Variants in MTCL1 observed in about 807,000 individuals in gnomAD.
The protein encoded by MTCL1 is microtubule cross-linking factor 1.
Under a neutral mutation model 141.4 loss-of-function variants are expected in MTCL1, and 79 were observed. That is an observed-to-expected ratio of 0.56 (90% CI 0.47 to 0.67). The LOEUF (loss-of-function observed/expected upper bound fraction) is 0.67. MTCL1 is among the 30% of genes least tolerant of loss of function. The pLI is 0.00. For synonymous variants in MTCL1, 914 were observed against 875.8 expected, an observed-to-expected ratio of 1.04 and a Z score of -0.77; for missense variants, 2,177 against 2,113.9, an observed-to-expected ratio of 1.03 and a Z score of -0.59.
At chr18:8,793,652 A>G (rs1344419739) in intron 8 of MTCL1, among the ~76,000 whole-genome samples, 5 of 152,128 alleles carry the variant, frequency 3.3e-5, no homozygotes, top group Admixed American at 1.3e-4. Flanking sequence ...AGATGTGGGC[A>G]CTCGTCGCCC....
chr18:8,738,142 G>A (rs2096283294), intron 4 of MTCL1, among the ~76,000 whole-genome samples: 1 of 152,140 alleles, frequency 6.6e-6, no homozygotes, highest in African/African-American at 2.4e-5. Context: ...ACGCAGTGGG[G>A]TGGGCTTCCT....
intron 4 of MTCL1, among the ~76,000 whole-genome samples, chr18:8,762,894 G>A (rs1351181867): frequency 1.3e-5 from 2 of 152,192 alleles, no homozygotes; most frequent in Admixed American, 1.3e-4. Context: ...GGCTTGGGAA[G>A]CAGCGTCTGC....
chr18:8,831,709 C>T (rs1338775876), exon 17 of MTCL1: 45 of 1,550,674 alleles, frequency 2.9e-5, no homozygotes, highest in Non-Finnish European at 3.9e-5. Context: ...CCCACATTCC[C>T]CCACTGCCTC....
At chr18:8,721,093 T>G (rs1309249099) in intron 4 of MTCL1, among the ~76,000 whole-genome samples, 2 of 152,262 alleles carry the variant, frequency 1.3e-5, no homozygotes, top group African/African-American at 4.8e-5. Context: ...ATATATATTT[T>G]TTTCATTTGC....
chr18:8,783,710 C>T, exon 6 of MTCL1: 1 of 1,607,636 alleles, frequency 6.2e-7, no homozygotes, highest in South Asian at 1.1e-5. Context: ...AGGCGGGCCC[C>T]CCAGCACCCG....
At chr18:8,816,683 A>G (rs1362626035) in intron 12 of MTCL1, among the ~76,000 whole-genome samples, 1 of 147,768 alleles carries the variant, frequency 6.8e-6, no homozygotes, top group Non-Finnish European at 1.5e-5. Context: ...ATCAGCTGCC[A>G]TTCTTTTAAA....
chr18:8,799,827 T>C (rs1254915786), intron 10 of MTCL1, among the ~76,000 whole-genome samples: 4 of 152,200 alleles, frequency 2.6e-5, no homozygotes, highest in Admixed American at 2.6e-4. Flanking sequence ...GGGTGGAAAA[T>C]AACGTGAAGT....
In MTCL1 at chr18:8,760,801, A is replaced by G. The variant is rs2096428318; in HGVS notation, c.358-17032A>G. On this transcript the variant is annotated intron_variant, in intron 4 of 16. Transcript: ENST00000359865. ...TTTCCAACAAATTTTAAGATTTTAC[A>G]ACTCTGTTAGAAAATCAAAATTTCT... Among the ~76,000 whole-genome samples the G allele has an allele frequency of 2.6e-5, 4 of 152,310 alleles. 1 individual carries two copies. The Middle Eastern group carries it at 0.01, about 389-fold the overall frequency.
chr18:8,712,741 G>C (rs1306529817), upstream of MTCL1, among the ~76,000 whole-genome samples: 2 of 152,186 alleles, frequency 1.3e-5, no homozygotes, highest in African/African-American at 2.4e-5. Context: ...CTTAGTTACA[G>C]CTGGGACTCT....
intron 4 of MTCL1, among the ~76,000 whole-genome samples, chr18:8,756,146 A>G (rs1442442247): frequency 6.6e-6 from 1 of 152,196 alleles, no homozygotes; most frequent in African/African-American, 2.4e-5. Flanking sequence ...AAAAAAATAA[A>G]GAATAACCAT....
intron 4 of MTCL1, among the ~76,000 whole-genome samples, chr18:8,747,192 G>T (rs2096343488): frequency 6.6e-6 from 1 of 152,206 alleles, no homozygotes; most frequent in Non-Finnish European, 1.5e-5. Context: ...TTCTAGTACG[G>T]CTGCAACCAA....
intron 4 of MTCL1, among the ~76,000 whole-genome samples, chr18:8,722,580 A>G (rs920243036): frequency 6.6e-6 from 1 of 152,022 alleles, no homozygotes; most frequent in African/African-American, 2.4e-5. Context: ...ATGTTGTTAA[A>G]ATCATAAGGA....
chr18:8,734,146 C>G (rs1189315711), intron 4 of MTCL1, among the ~76,000 whole-genome samples: 3 of 151,926 alleles, frequency 2.0e-5, no homozygotes, highest in African/African-American at 7.3e-5. Context: ...TGGGGACTAT[C>G]CTGTGGACTG....
chr18:8,710,457 CTTT>C (rs59830434), intron 1 of MTCL1, among the ~76,000 whole-genome samples: 1 of 121,818 alleles, frequency 8.2e-6, no homozygotes, highest in African/African-American at 3.2e-5. Flanking sequence ...CAGGCACTTT[CTTT>C]TTTTTTTTTT....
In MTCL1 at chr18:8,830,086, A is replaced by T. The variant is rs908685722; in HGVS notation, c.*18+1122A>T. The T allele has an allele frequency of 1.0e-6, 1 of 985,328 alleles. No homozygotes were observed. Among genetic ancestry groups the T allele is most frequent in the African/African-American group, 1.7e-5 (1 of 57,184 alleles). 61.0% of individuals were successfully genotyped at this position (985,328 alleles called of 1,614,324 possible). A position where few individuals can be genotyped will look rare whatever the true frequency, so the allele number is the denominator to read the frequency against. On this transcript the variant is annotated intron_variant, in intron 16 of 16. Transcript: ENST00000359865. This position sits in a 1 kb window ranked among gnomAD's most constrained non-coding sequence, Gnocchi z 6.4. ...TACACAACACACACACTACTTCTATAACAAGGGGAGCGCAGACACAAAACA... is the reference window on the plus strand; with the variant it reads ...TACACAACACACACACTACTTCTATTACAAGGGGAGCGCAGACACAAAACA...
chr18:8,727,162 A>G (rs2096221162), intron 4 of MTCL1, among the ~76,000 whole-genome samples: 1 of 152,096 alleles, frequency 6.6e-6, no homozygotes, highest in African/African-American at 2.4e-5. Context: ...GTAGTATTCC[A>G]TGGTGTATAT....
chr18:8,716,109 A>G (rs1439803070), upstream of MTCL1, among the ~76,000 whole-genome samples: 1 of 152,244 alleles, frequency 6.6e-6, no homozygotes, highest in Non-Finnish European at 1.5e-5. Flanking sequence ...CAGTGTTAAG[A>G]TTGATCTTTC....
In MTCL1 at chr18:8,831,677, G is replaced by A. The variant is rs201909742; in HGVS notation, c.*89G>A. The A allele has an allele frequency of 5.5e-4, 848 of 1,550,328 alleles. 2 individuals are homozygous for A. The highest frequency in any genetic ancestry group is 5.0e-3 in the East Asian group (205 of 40,900). ...TCCAGGCCCGAGAGACCAGCAAACC[G>A]TCGCCCTCCGTCCCGTTGGGCCCCA... On this transcript the variant is annotated 3_prime_UTR_variant, in exon 17 of 17. Transcript: ENST00000359865.
intron 5 of MTCL1, among the ~76,000 whole-genome samples, chr18:8,778,748 C>G (rs545908935): frequency 1.3e-5 from 2 of 152,360 alleles, no homozygotes; most frequent in South Asian, 4.1e-4. Flanking sequence ...CCATTAATAA[C>G]AGGGAAATTA....
Sources: gnomAD v4.1 joint callset for allele counts (sites outside exome capture counted in the v4.1 genomes callset) on GRCh38, gnomAD v4.1.1 for gene constraint, Gnocchi (gnomAD v3.1) non-coding constraint, MANE v1.5 for transcripts, NCBI Gene and HGNC (gene_info 2026-07-23, HGNC 2026-07-21) for gene names.